The following DPH6 variants were observed in gnomAD, a reference collection of about 807,000 sequenced individuals.
The protein encoded by DPH6 is diphthamine biosynthesis 6, also known as diphthine--ammonia ligase.
In DPH6, 33 loss-of-function variants were observed where a neutral mutation model predicts 38.2. That is an observed-to-expected ratio of 0.86 (90% CI 0.65 to 1.15). The LOEUF (loss-of-function observed/expected upper bound fraction) is 1.15. Among genes scored for constraint, DPH6 ranks in the 50% most tolerant of loss-of-function variants. The pLI is 0.00. For synonymous variants in DPH6, 108 were observed against 103.0 expected (o/e 1.05, Z -0.30); for missense variants, 325 against 320.0 (o/e 1.02, Z -0.12).
chr15:35,158,173 T>C, the DPH6 span, among the ~76,000 whole-genome samples: 2 of 151,840 alleles, frequency 1.3e-5, no homozygotes, highest in Non-Finnish European at 2.9e-5. Context: ...TATGCCCCTA[T>C]TTTGCATCAT....
intron 3 of DPH6, among the ~76,000 whole-genome samples, chr15:35,235,098 T>C (rs2051542119): frequency 6.6e-6 from 1 of 152,268 alleles, no homozygotes; most frequent in Admixed American, 6.5e-5. Flanking sequence ...GTCAGTGCTC[T>C]GTCCAGAAGC....
chr15:35,510,926 C>G (rs2054760737), intron 3 of DPH6, among the ~76,000 whole-genome samples: 1 of 152,156 alleles, frequency 6.6e-6, no homozygotes, highest in African/African-American at 2.4e-5. Flanking sequence ...CTTGTGGATA[C>G]TGGACTCAGA....
At chr15:35,509,468 T>G (rs1308422804) in intron 3 of DPH6, among the ~76,000 whole-genome samples, 1 of 152,228 alleles carries the variant, frequency 6.6e-6, no homozygotes, top group Non-Finnish European at 1.5e-5. Flanking sequence ...CATTTCTTAA[T>G]GCTTGCATTT....
chr15:35,424,060 A>C (rs535400189), intron 5 of DPH6, among the ~76,000 whole-genome samples: 2 of 141,436 alleles, frequency 1.4e-5, no homozygotes, highest in East Asian at 2.0e-4. Context: ...TTGTGGTTCC[A>C]TATGAATTTT....
rs546209908 is a variant in DPH6 at position 35,531,564 on chromosome 15, C to T, written c.312+6710G>A. Among the ~76,000 whole-genome samples the T allele has an allele frequency of 1.8e-4, 27 of 152,248 alleles. 1 individual carries two copies. The highest frequency in any genetic ancestry group is 3.5e-4 in the Non-Finnish European group (24 of 68,020). On this transcript the variant is annotated intron_variant, in intron 3 of 8. Transcript: ENST00000256538. ...TCTCAGCTCACTGCAACCTCTGCCT[C>T]CCAAGTTCAAACAATTCTCTCGCCT...
At chr15:35,450,654 A>G (rs777347127) in intron 5 of DPH6, 31 bp downstream of exon 5, 61 of 1,564,492 alleles carry the variant, frequency 3.9e-5, no homozygotes. Context: ...ATGTGGCAAC[A>G]AACAGCTCCC....
intron 3 of DPH6, among the ~76,000 whole-genome samples, chr15:35,355,294 T>A (rs1366047890): frequency 6.6e-6 from 1 of 152,202 alleles, no homozygotes; most frequent in Admixed American, 6.5e-5. Context: ...CATTTAAGGT[T>A]AATATTGTTA....
intron 8 of DPH6, among the ~76,000 whole-genome samples, chr15:35,372,614 C>T (rs762307798): frequency 2.0e-4 from 30 of 151,968 alleles, no homozygotes; most frequent in Middle Eastern, 3.4e-3. Flanking sequence ...TCATCCAGCC[C>T]AATTCCACAA....
At chr15:35,174,588 G>A in the DPH6 span, among the ~76,000 whole-genome samples, 2 of 152,200 alleles carry the variant, frequency 1.3e-5, no homozygotes, top group Admixed American at 1.3e-4. Context: ...TACTTTGAGA[G>A]AAATGTTTTT....
At chr15:35,393,145 T>C (rs1427165950) in intron 6 of DPH6, among the ~76,000 whole-genome samples, 4 of 152,144 alleles carry the variant, frequency 2.6e-5, no homozygotes, top group African/African-American at 9.7e-5. Context: ...AGAAGGGGCC[T>C]GGATGTAAGT....
chr15:35,446,722 G>A (rs2053858799), intron 5 of DPH6, among the ~76,000 whole-genome samples: 1 of 152,114 alleles, frequency 6.6e-6, no homozygotes, highest in African/African-American at 2.4e-5. Context: ...TGTGCAGGGG[G>A]TTGGTGCTCC....
At chr15:35,187,259 C>A in the DPH6 span, among the ~76,000 whole-genome samples, 1 of 152,182 alleles carries the variant, frequency 6.6e-6, no homozygotes, top group Non-Finnish European at 1.5e-5. Flanking sequence ...ATTTTATAAT[C>A]ATATACCTAA....
intron 3 of DPH6, among the ~76,000 whole-genome samples, chr15:35,511,779 G>T (rs1013522924): frequency 6.6e-6 from 1 of 151,714 alleles, no homozygotes; most frequent in Non-Finnish European, 1.5e-5. Context: ...AGAGAATTAG[G>T]TCTAAGAAAC....
At chr15:35,318,148 C>T (rs1379877405) in intron 3 of DPH6, among the ~76,000 whole-genome samples, 4 of 151,828 alleles carry the variant, frequency 2.6e-5, no homozygotes, top group Non-Finnish European at 5.9e-5. Context: ...GCTTAAAAGG[C>T]ATATCCCTTA....
At chr15:35,434,489 A>G (rs1055671210) in intron 5 of DPH6, among the ~76,000 whole-genome samples, 38 of 152,334 alleles carry the variant, frequency 2.5e-4, no homozygotes, top group African/African-American at 7.2e-4. Flanking sequence ...ATTAAGAAAT[A>G]ATTAATTGAT....
intron 3 of DPH6, among the ~76,000 whole-genome samples, chr15:35,241,861 C>T (rs2140401751): frequency 7.0e-6 from 1 of 143,338 alleles, no homozygotes; most frequent in East Asian, 2.2e-4. Context: ...TTACAATTCC[C>T]CCATTTTACC....
At chr15:35,375,048 C>A (rs2052762388) in intron 7 of DPH6, among the ~76,000 whole-genome samples, 1 of 152,068 alleles carries the variant, frequency 6.6e-6, no homozygotes, top group African/African-American at 2.4e-5. Context: ...GACACTGACC[C>A]TGAGCCTTAA....
At position 35,436,509 on chromosome 15, in the gene DPH6, C is replaced by CAA. The variant is rs1491101707; in HGVS notation, c.505+14174_505+14175dup. The stretch of plus-strand genomic sequence containing the variant: ...CAAAACAAAACAAAACAAAACAAAA[C>CAA]AAAACAAAAAAGGTTCTCTCCCTGT... On this transcript the variant is annotated intron_variant, in intron 5 of 8. Transcript: ENST00000256538. 2.7e-4 allele frequency among the ~76,000 whole-genome samples: 29 copies of CAA among 107,570 alleles called. 2 individuals carry two copies. Among genetic ancestry groups the CAA allele is most frequent in the Middle Eastern group, 4.4e-3 (1 of 228 alleles). 70.6% of individuals were successfully genotyped at this position (107,570 alleles called of 152,430 possible). A position where few individuals can be genotyped will look rare whatever the true frequency, so the allele number is the denominator to read the frequency against.
At chr15:35,355,693 C>A (rs747988244) in intron 3 of DPH6, among the ~76,000 whole-genome samples, 6 of 152,180 alleles carry the variant, frequency 3.9e-5, no homozygotes, top group Non-Finnish European at 7.3e-5. Flanking sequence ...GTAACCCAAC[C>A]TTTCTCTCTG....
Sources: gnomAD v4.1 joint callset for allele counts (sites outside exome capture counted in the v4.1 genomes callset) on GRCh38, gnomAD v4.1.1 for gene constraint, MANE v1.5 for transcripts, NCBI Gene and HGNC (gene_info 2026-07-23, HGNC 2026-07-21) for gene names.